Variants in GRK1 observed in about 807,000 individuals in gnomAD.
The protein encoded by GRK1 is rhodopsin kinase GRK1.
Under a neutral mutation model 41.7 loss-of-function variants are expected in GRK1, and 28 were observed. The ratio of observed to expected loss-of-function variants is 0.67; its 90% confidence interval spans 0.50 to 0.92. The LOEUF (loss-of-function observed/expected upper bound fraction) is 0.92, where lower values mean the gene tolerates loss of function less well. GRK1 is among the 40% of genes least tolerant of loss of function. GRK1 has a pLI of 0.00. For missense variants in GRK1, 703 were observed against 671.2 expected (o/e 1.05, Z -0.52); for synonymous variants, 327 against 286.7 (o/e 1.14, Z -1.42).
At position 113,731,519 on chromosome 13, in the gene GRK1, T is replaced by G. The variant is rs1251580496; in HGVS notation, c.1194+176T>G. 2.0e-6 allele frequency: 1 copy of G among 500,052 alleles called. No individual in the cohort carries two copies. The highest frequency in any genetic ancestry group is 1.5e-4 in the East Asian group (1 of 6,574). The allele number at this position is 500,052 out of a possible 1,614,324, so 31.0% of individuals were successfully genotyped here. A position where few individuals can be genotyped will look rare whatever the true frequency, so the allele number is the denominator to read the frequency against. ...CTTGCTCCTGGGCCATGCTGTTCTGTCTCAGTGGGTGACGCCCCCAGCCCC... is the reference window on the plus strand; with the variant it reads ...CTTGCTCCTGGGCCATGCTGTTCTGGCTCAGTGGGTGACGCCCCCAGCCCC... On this transcript the variant is annotated intron_variant, in intron 5 of 6. Transcript: ENST00000335678. This position sits in a 1 kb window ranked among gnomAD's most constrained non-coding sequence, Gnocchi z 5.6.
intron 4 of GRK1, 80 bp downstream of exon 4, chr13:113,723,237 C>T (rs967422571): frequency 1.6e-6 from 1 of 627,304 alleles, no homozygotes; most frequent in Non-Finnish European, 3.0e-6. Context: ...TGTGCACTTG[C>T]ACATACATGT....
At chr13:113,733,759 G>GTGTGTATGTGTGCATACGTGTGTGCA (rs2049965974) in intron 6 of GRK1, among the ~76,000 whole-genome samples, 3 of 116,384 alleles carry the variant, frequency 2.6e-5, no homozygotes. Flanking sequence ...ATGTGTGTGC[G>GTGTGTATGTGTGCATACGTGTGTGCA]TGTGTATGTG....
In GRK1 at chr13:113,733,717, G is replaced by A. The variant is rs569201721; in HGVS notation, c.1396+632G>A. Among the ~76,000 whole-genome samples the A allele has an allele frequency of 7.7e-5, 10 of 129,408 alleles. No individual in the cohort carries two copies. In the South Asian group the frequency reaches 1.3e-3, roughly 17 times the overall value. 84.9% of individuals were successfully genotyped at this position (129,408 alleles called of 152,430 possible). A position where few individuals can be genotyped will look rare whatever the true frequency, so the allele number is the denominator to read the frequency against. On this transcript the variant is annotated intron_variant, in intron 6 of 6. Coordinates refer to ENST00000335678, the MANE Select transcript of GRK1 (RefSeq NM_002929.3). ...CATACATGTGTGCGTGTGTGCGCACGTGTGTGTGCGCGCGTGTGTATGTGT... is the reference window on the plus strand; with the variant it reads ...CATACATGTGTGCGTGTGTGCGCACATGTGTGTGCGCGCGTGTGTATGTGT...
the GRK1 span, among the ~76,000 whole-genome samples, chr13:113,656,511 C>T: frequency 6.6e-6 from 1 of 152,166 alleles, no homozygotes; most frequent in African/African-American, 2.4e-5. Context: ...ACTTCCTGGG[C>T]CCCCGCTTGC....
chr13:113,672,245 G>C (rs2049862406), intron 3 of GRK1, among the ~76,000 whole-genome samples: 1 of 150,672 alleles, frequency 6.6e-6, no homozygotes, highest in South Asian at 2.1e-4. Flanking sequence ...GTATGTGTGT[G>C]CAGTGTGTGG....
At chr13:113,732,146 C>T (rs1212909013) in intron 5 of GRK1, among the ~76,000 whole-genome samples, 3 of 152,178 alleles carry the variant, frequency 2.0e-5, no homozygotes, top group East Asian at 1.9e-4. Flanking sequence ...AGGGGGTGGC[C>T]GCACGGAGCC....
At position 113,671,587 on chromosome 13, in the gene GRK1, G is replaced by C. The variant is rs1160122159; in HGVS notation, c.916G>C (p.Glu306Gln). 2 of 775,648 alleles carry C rather than the reference G, an allele frequency of 2.6e-6. No homozygotes were observed. The highest frequency in any genetic ancestry group is 4.8e-6 in the Non-Finnish European group (2 of 417,948). The allele number at this position is 775,648 out of a possible 1,614,324, so 48.0% of individuals were successfully genotyped here. A position where few individuals can be genotyped will look rare whatever the true frequency, so the allele number is the denominator to read the frequency against. ...CACGGCGCAGATCATCTGCGGCCTG[G>C]AGCACCTGCACCAGAGGCGGATCGT... ...FYTAQIICGL[E>Q]HLHQRRIVYR... The change falls in exon 3 of 7, where the codon GAG (glutamate) becomes CAG (glutamine). Residue 306 changes from glutamate to glutamine, a missense_variant. Coordinates refer to ENST00000335678, the MANE Select transcript of GRK1 (RefSeq NM_002929.3). This position sits in a 1 kb window ranked among gnomAD's most constrained non-coding sequence, Gnocchi z 4.1.
At chr13:113,652,879 C>A in the GRK1 span, 3 of 1,614,116 alleles carry the variant, frequency 1.9e-6, no homozygotes, top group Non-Finnish European at 2.5e-6. Context: ...TCACCCTGTT[C>A]ATTTTAATAA....
At chr13:113,657,444 CCCAGGCATCTGCTTTCCTCCCAGGAGGG>C in the GRK1 span, among the ~76,000 whole-genome samples, 1 of 152,220 alleles carries the variant, frequency 6.6e-6, no homozygotes, top group Non-Finnish European at 1.5e-5. Context: ...GCCTTGGAGG[CCCAGGCATCTGCTTTCCTCCCAGGAGGG>C]CCAGGCTGCC....
chr13:113,733,845 ATGTGTATGTGTGCATACGTG>A (rs2049970643), intron 6 of GRK1, among the ~76,000 whole-genome samples: 1 of 93,820 alleles, frequency 1.1e-5, no homozygotes, highest in Non-Finnish European at 2.0e-5. Context: ...GTGCGTGTGC[ATGTGTATGTGTGCATACGTG>A]TGTGCGTGTG....
chr13:113,653,106 C>G, the GRK1 span: 1 of 1,587,224 alleles, frequency 6.3e-7, no homozygotes, highest in Non-Finnish European at 8.6e-7. Flanking sequence ...CCCTGTCCTG[C>G]CCTGGCCCTG....
At chr13:113,734,023 C>CGT (rs1566700638) in intron 6 of GRK1, among the ~76,000 whole-genome samples, 2 of 90,642 alleles carry the variant, frequency 2.2e-5, no homozygotes, top group African/African-American at 5.3e-5. Flanking sequence ...CATGTGTGTG[C>CGT]GTGCGTGTGC....
intron 6 of GRK1, among the ~76,000 whole-genome samples, chr13:113,733,560 T>C (rs1318203136): frequency 1.3e-5 from 2 of 150,760 alleles, no homozygotes; most frequent in African/African-American, 2.5e-5. Flanking sequence ...CGCACGTGTG[T>C]CCATGTATGT....
chr13:113,726,978 C>A (rs1057439014), intron 4 of GRK1, among the ~76,000 whole-genome samples: 1 of 152,264 alleles, frequency 6.6e-6, no homozygotes, highest in East Asian at 1.9e-4. Context: ...AGTGTCAAAA[C>A]TGACCAGCCC....
At chr13:113,658,714 G>A in the GRK1 span, among the ~76,000 whole-genome samples, 1 of 152,184 alleles carries the variant, frequency 6.6e-6, no homozygotes, top group Non-Finnish European at 1.5e-5. Flanking sequence ...GGGAACACAG[G>A]GGTCCCCGGG....
chr13:113,728,166 GAATACCCATGGCGAGGAGT>G (rs1287018905), intron 4 of GRK1, among the ~76,000 whole-genome samples: 1 of 98,876 alleles, frequency 1.0e-5, no homozygotes, highest in Non-Finnish European at 1.9e-5. Context: ...TGGCGATGAG[GAATACCCATGGCGAGGAGT>G]ACCCATGGCG....
chr13:113,671,547 G>T lies in GRK1; in HGVS notation c.876G>T (p.Pro292=), dbSNP rs373358709. 2.6e-6 allele frequency: 2 copies of T among 778,712 alleles called. No individual in the cohort carries two copies. The highest frequency in any genetic ancestry group is 4.8e-5 in the East Asian group (2 of 41,256). 48.2% of individuals were successfully genotyped at this position (778,712 alleles called of 1,614,324 possible). A position where few individuals can be genotyped will look rare whatever the true frequency, so the allele number is the denominator to read the frequency against. ...VNEENPGFPE[P]RALFYTAQII... is the part of the protein sequence containing the mutation. The stretch of plus-strand genomic sequence containing the variant: ...AGGAGAACCCTGGCTTCCCGGAGCC[G>T]CGCGCCCTCTTCTACACGGCGCAGA... Residue 292 remains proline, a synonymous_variant, in exon 3 of 7, where the codon CCG becomes CCT. Transcript: ENST00000335678. The surrounding 1 kb of genome is among the most constrained non-coding windows in gnomAD (Gnocchi z 4.1).
In GRK1 at chr13:113,669,933, A is replaced by G. The variant is rs143094879; in HGVS notation, c.827+119A>G. ...GTGGCCCCAGGCCTGCCCTCGAGGG[A>G]AGCCTTGCACCCATCACAATCCCCT... On this transcript the variant is annotated intron_variant, in intron 2 of 6. Transcript: ENST00000335678. 1,115 of 1,248,148 alleles carry G rather than the reference A, an allele frequency of 8.9e-4. 8 individuals carry two copies. In the African/African-American group the frequency reaches 0.015, roughly 16 times the overall value. 77.3% of individuals were successfully genotyped at this position (1,248,148 alleles called of 1,614,324 possible). A position where few individuals can be genotyped will look rare whatever the true frequency, so the allele number is the denominator to read the frequency against.
the GRK1 span, chr13:113,653,516 G>T: frequency 7.7e-7 from 1 of 1,300,666 alleles, no homozygotes. Context: ...CTGAGGATAC[G>T]CCAGAGGCGG....
Sources: gnomAD v4.1 joint callset for allele counts (sites outside exome capture counted in the v4.1 genomes callset) on GRCh38, gnomAD v4.1.1 for gene constraint, Gnocchi (gnomAD v3.1) non-coding constraint, MANE v1.5 for transcripts, NCBI Gene and HGNC (gene_info 2026-07-23, HGNC 2026-07-21) for gene names.